UST: variants seen among roughly 807,000 people sequenced by gnomAD.
The protein encoded by UST is chondroitin sulfate 2-O-sulfotransferase.
Under a neutral mutation model 45.6 loss-of-function variants are expected in UST, and 21 were observed. That is an observed-to-expected ratio of 0.46 (90% confidence interval 0.33 to 0.66). UST has a LOEUF of 0.66. UST is among the 30% of genes least tolerant of loss of function. UST has a pLI of 0.02. For synonymous variants in UST, 215 were observed against 200.6 expected (o/e 1.07, Z -0.61); for missense variants, 463 against 512.4 (o/e 0.90, Z 0.93).
intron 1 of UST, among the ~76,000 whole-genome samples, chr6:148,822,311 C>G (rs568273093): frequency 6.6e-6 from 1 of 152,268 alleles, no homozygotes; most frequent in Admixed American, 6.5e-5. Flanking sequence ...TTCCTCTTTC[C>G]ATATTTATAA....
intron 7 of UST, among the ~76,000 whole-genome samples, chr6:149,043,025 C>CTTTCTTTTTCTT (rs1562337818): frequency 5.9e-5 from 6 of 101,350 alleles, no homozygotes; most frequent in African/African-American, 2.0e-4. Context: ...CTTTCTTTTT[C>CTTTCTTTTTCTT]TTTCTTTCTT....
intron 3 of UST, among the ~76,000 whole-genome samples, chr6:148,951,899 A>G (rs1039948782): frequency 1.3e-5 from 2 of 152,242 alleles, no homozygotes; most frequent in African/African-American, 4.8e-5. Context: ...CTATTATGAC[A>G]CTGTTCTCAA....
intron 3 of UST, among the ~76,000 whole-genome samples, chr6:148,944,265 A>T (rs1032588041): frequency 2.0e-5 from 3 of 152,150 alleles, no homozygotes; most frequent in African/African-American, 7.2e-5. Context: ...ATTCCACTTC[A>T]GGTGCAGTAT....
At chr6:148,774,477 G>A (rs1170689524) in intron 1 of UST, among the ~76,000 whole-genome samples, 1 of 151,852 alleles carries the variant, frequency 6.6e-6, no homozygotes, top group African/African-American at 2.4e-5. Context: ...TCAAATTCAG[G>A]ATATATAGTT....
chr6:148,983,943 G>A (rs577572752), intron 5 of UST, among the ~76,000 whole-genome samples: 229 of 152,212 alleles, frequency 1.5e-3, no homozygotes, highest in Non-Finnish European at 2.8e-3. Context: ...CGATAACATC[G>A]ATGCCAGTGG....
intron 5 of UST, among the ~76,000 whole-genome samples, chr6:148,977,502 G>C (rs192445166): frequency 1.3e-5 from 2 of 151,940 alleles, no homozygotes; most frequent in Middle Eastern, 3.4e-3. Flanking sequence ...CTGTAATCCC[G>C]GCACTTTGGG....
chr6:148,879,884 A>G (rs777154356), intron 1 of UST, among the ~76,000 whole-genome samples: 5 of 151,412 alleles, frequency 3.3e-5, no homozygotes, highest in Non-Finnish European at 5.9e-5. Flanking sequence ...ATTCTCTACT[A>G]CAAAGGTGAA....
intron 1 of UST, among the ~76,000 whole-genome samples, chr6:148,852,248 T>A (rs1277632533): frequency 3.3e-5 from 5 of 152,160 alleles, no homozygotes; most frequent in African/African-American, 1.2e-4. Context: ...GCCCACTGAT[T>A]TTTCCTCTGG....
intron 5 of UST, among the ~76,000 whole-genome samples, chr6:149,004,375 ACTT>A (rs1218477912): frequency 6.6e-6 from 1 of 152,202 alleles, no homozygotes; most frequent in African/African-American, 2.4e-5. Flanking sequence ...TTGAGATCAG[ACTT>A]CCTGGACCTG....
At chr6:148,792,309 A>G (rs1171749923) in intron 1 of UST, among the ~76,000 whole-genome samples, 1 of 152,162 alleles carries the variant, frequency 6.6e-6, no homozygotes, top group East Asian at 1.9e-4. Flanking sequence ...CTTGACCAAA[A>G]AGCAAGAGGC....
Position 148,785,546 on chromosome 6 carries a change from C to A in UST, c.247+37869C>A, listed in dbSNP as rs149223851. ...ACATACTATTAAAATGACCAGCGAA[C>A]TACCATTTGTGCAGAGTGGTTGAAG... On this transcript the variant is annotated intron_variant, in intron 1 of 7. Coordinates refer to ENST00000367463, the MANE Select transcript of UST (RefSeq NM_005715.3). Among the ~76,000 whole-genome samples, 74 of 152,328 alleles carry A rather than the reference C, an allele frequency of 4.9e-4. No homozygotes were observed. In the East Asian group the frequency reaches 0.014, roughly 28 times the overall value.
intron 1 of UST, among the ~76,000 whole-genome samples, chr6:148,798,006 G>A (rs1331102338): frequency 5.3e-5 from 8 of 152,140 alleles, no homozygotes. Flanking sequence ...TGAAGTAGGT[G>A]GGCAACATGG....
In UST at chr6:148,761,512, C is replaced by T. The variant is rs148337974; in HGVS notation, c.247+13835C>T. On this transcript the variant is annotated intron_variant, in intron 1 of 7. Coordinates refer to ENST00000367463, the MANE Select transcript of UST (RefSeq NM_005715.3). Reference sequence around the variant, plus strand: ...TTCTGCTTTAGTGTCAGAATTCATCCGACAACGTGCCAAAAAAAAAAAAAG... The same window carrying T: ...TTCTGCTTTAGTGTCAGAATTCATCTGACAACGTGCCAAAAAAAAAAAAAG... Among the ~76,000 whole-genome samples, 374 of 138,436 alleles carry T rather than the reference C, an allele frequency of 2.7e-3. 2 individuals carry two copies. Among genetic ancestry groups the T allele is most frequent in the African/African-American group, 9.7e-3 (344 of 35,432 alleles). 90.8% of individuals were successfully genotyped at this position (138,436 alleles called of 152,430 possible). A position where few individuals can be genotyped will look rare whatever the true frequency, so the allele number is the denominator to read the frequency against.
chr6:148,810,132 T>C (rs1777227192), intron 1 of UST, among the ~76,000 whole-genome samples: 1 of 152,204 alleles, frequency 6.6e-6, no homozygotes, highest in Non-Finnish European at 1.5e-5. Context: ...AGAAGCAAGC[T>C]GAACATTAAA....
intron 2 of UST, among the ~76,000 whole-genome samples, chr6:148,926,581 C>A (rs530139415): frequency 7.2e-5 from 11 of 152,300 alleles, no homozygotes; most frequent in African/African-American, 2.6e-4. Flanking sequence ...ATTGCTTCTG[C>A]AACTCTAGGC....
At chr6:148,747,784 GC>G (rs2114636328) in intron 1 of UST, 107 bp downstream of exon 1, 3 of 1,369,704 alleles carry the variant, frequency 2.2e-6, no homozygotes, top group South Asian at 3.1e-5. Context: ...CGCCGCCGCC[GC>G]CCCGGGTCTC....
intron 3 of UST, among the ~76,000 whole-genome samples, chr6:148,945,418 T>C (rs1319193691): frequency 6.6e-6 from 1 of 152,106 alleles, no homozygotes; most frequent in Non-Finnish European, 1.5e-5. Flanking sequence ...AAACCTAGAG[T>C]TGCAGTGGCC....
At chr6:148,868,006 AG>A (rs1383022581) in intron 1 of UST, among the ~76,000 whole-genome samples, 1 of 152,076 alleles carries the variant, frequency 6.6e-6, no homozygotes, top group Non-Finnish European at 1.5e-5. Context: ...TCTCAGTCAG[AG>A]GCTGTTCATC....
At chr6:149,067,417 G>A (rs1307513076) in intron 7 of UST, among the ~76,000 whole-genome samples, 1 of 152,072 alleles carries the variant, frequency 6.6e-6, no homozygotes, top group Non-Finnish European at 1.5e-5. Flanking sequence ...CATATTTGGC[G>A]GTCACCCTCC....
Sources: gnomAD v4.1 joint callset for allele counts (sites outside exome capture counted in the v4.1 genomes callset) on GRCh38, gnomAD v4.1.1 for gene constraint, MANE v1.5 for transcripts, NCBI Gene and HGNC (gene_info 2026-07-23, HGNC 2026-07-21) for gene names.